Variants in CFAP61 observed in about 807,000 individuals in gnomAD.
CFAP61 encodes the protein cilia- and flagella-associated protein 61.
In CFAP61, 107 loss-of-function variants were observed where a neutral mutation model predicts 135.6. That is an observed-to-expected ratio of 0.79 (90% confidence interval 0.67 to 0.93). The LOEUF is 0.93. CFAP61 is among the 40% of genes least tolerant of loss of function. The pLI is 0.00. For missense variants in CFAP61, 1,507 were observed against 1,556.2 expected (o/e 0.97, Z 0.53); for synonymous variants, 575 against 578.5 (o/e 0.99, Z 0.09).
chr20:20,207,198 C>T (rs1473391197), intron 17 of CFAP61, among the ~76,000 whole-genome samples: 8 of 152,200 alleles, frequency 5.3e-5, no homozygotes. Context: ...ACAAGATGCC[C>T]ATCCAAATGC....
intron 8 of CFAP61, among the ~76,000 whole-genome samples, chr20:20,102,427 C>T (rs977687030): frequency 2.0e-5 from 3 of 152,170 alleles, no homozygotes; most frequent in African/African-American, 7.2e-5. Context: ...AGAGTTCCCC[C>T]AAGGGATTAA....
intron 13 of CFAP61, among the ~76,000 whole-genome samples, chr20:20,181,774 C>G (rs898644469): frequency 1.3e-5 from 2 of 152,120 alleles, no homozygotes; most frequent in African/African-American, 4.8e-5. Flanking sequence ...ATGCTTGCAC[C>G]CTTGGGAAAA....
intron 18 of CFAP61, chr20:20,232,766 G>A (rs977638454): frequency 2.0e-5 from 3 of 152,124 alleles, no homozygotes; most frequent in African/African-American, 7.2e-5. Context: ...AGAATCTTTT[G>A]AAGAGCCTGT....
intron 17 of CFAP61, among the ~76,000 whole-genome samples, chr20:20,225,094 A>T (rs891245937): frequency 6.6e-6 from 1 of 152,162 alleles, no homozygotes; most frequent in African/African-American, 2.4e-5. Context: ...AGGAACATAA[A>T]GGAAGAAAAT....
intron 8 of CFAP61, among the ~76,000 whole-genome samples, chr20:20,123,602 A>C (rs1004269300): frequency 6.6e-6 from 1 of 151,598 alleles, no homozygotes; most frequent in Non-Finnish European, 1.5e-5. Context: ...CCATTGGTCT[A>C]TGTGCCGATT....
chr20:20,224,515 G>A (rs894703979), intron 17 of CFAP61, among the ~76,000 whole-genome samples: 1 of 152,004 alleles, frequency 6.6e-6, no homozygotes, highest in East Asian at 1.9e-4. Context: ...GCCTTAAAAG[G>A]TTAGCTTATA....
In CFAP61 at chr20:20,106,693, C is replaced by T. The variant is rs141614956; in HGVS notation, c.859+7879C>T. On this transcript the variant is annotated intron_variant, in intron 8 of 26. Coordinates refer to ENST00000245957, the MANE Select transcript of CFAP61 (RefSeq NM_015585.4). ...AGGGGAGAAGGCATTTAATGAAGTT[C>T]AAGAGTGTATTTGACTGTAAAACAC... 3.8e-3 allele frequency among the ~76,000 whole-genome samples: 583 copies of T among 152,282 alleles called. 6 individuals carry two copies. Among genetic ancestry groups the T allele is most frequent in the Admixed American group, 0.034 (522 of 15,296 alleles).
chr20:20,102,532 T>C (rs1391976156), intron 8 of CFAP61, among the ~76,000 whole-genome samples: 1 of 152,182 alleles, frequency 6.6e-6, no homozygotes, highest in African/African-American at 2.4e-5. Context: ...GTTTGTTACA[T>C]AGGTAAACTT....
At chr20:20,122,643 A>G (rs2049746024) in intron 8 of CFAP61, among the ~76,000 whole-genome samples, 1 of 152,276 alleles carries the variant, frequency 6.6e-6, no homozygotes, top group Admixed American at 6.5e-5. Flanking sequence ...TATATATCAC[A>G]GTTTCTTTTT....
rs2055311662 is a variant in CFAP61 at position 20,294,973 on chromosome 20, T to TA, written c.3217-3206dup. ...ATAATAATAATAATAATAATAATAA[T>TA]AATACCAAAAAATGCAACAAGTCCA... is the stretch of plus-strand genomic sequence containing the variant. On this transcript the variant is annotated intron_variant, in intron 24 of 26. Transcript: ENST00000245957. Among the ~76,000 whole-genome samples, 5 of 146,302 alleles carry TA rather than the reference T, an allele frequency of 3.4e-5. No individual in the cohort carries two copies. The South Asian group carries it at 1.1e-3, about 32-fold the overall frequency.
chr20:20,217,111 T>C (rs757350649), intron 17 of CFAP61, among the ~76,000 whole-genome samples: 1 of 152,236 alleles, frequency 6.6e-6, no homozygotes, highest in Non-Finnish European at 1.5e-5. Context: ...CCAAATTCCT[T>C]TGAACTTTGT....
chr20:20,223,471 C>T (rs868146763), intron 17 of CFAP61, among the ~76,000 whole-genome samples: 3 of 152,278 alleles, frequency 2.0e-5, no homozygotes, highest in Middle Eastern at 3.4e-3. Flanking sequence ...AGATAGACAG[C>T]ATCATGATCC....
intron 26 of CFAP61, among the ~76,000 whole-genome samples, chr20:20,347,571 G>A (rs1414055911): frequency 6.6e-6 from 1 of 152,180 alleles, no homozygotes; most frequent in Non-Finnish European, 1.5e-5. Flanking sequence ...AAAGGATTAT[G>A]AGAAAATGCC....
intron 25 of CFAP61, among the ~76,000 whole-genome samples, chr20:20,314,126 A>G (rs1601955737): frequency 2.6e-5 from 4 of 151,234 alleles, no homozygotes; most frequent in Admixed American, 2.6e-4. Context: ...GCTCGTGCCT[A>G]TAATTCCAGC....
At chr20:20,269,367 A>G (rs1181037112) in intron 21 of CFAP61, among the ~76,000 whole-genome samples, 2 of 149,604 alleles carry the variant, frequency 1.3e-5, no homozygotes, top group Non-Finnish European at 3.0e-5. Flanking sequence ...ATGTGTACAT[A>G]TATATATATA....
chr20:20,186,397 A>G (rs770757419), intron 13 of CFAP61, among the ~76,000 whole-genome samples: 3 of 152,294 alleles, frequency 2.0e-5, no homozygotes, highest in Non-Finnish European at 2.9e-5. Flanking sequence ...GTATGTATCA[A>G]TCATACTCTG....
At chr20:20,191,119 A>G (rs1049550444) in intron 14 of CFAP61, among the ~76,000 whole-genome samples, 1 of 152,072 alleles carries the variant, frequency 6.6e-6, no homozygotes, top group African/African-American at 2.4e-5. Flanking sequence ...ATCTCAAAAA[A>G]AATAATAATA....
At chr20:20,226,863 G>C (rs2048773744) in intron 17 of CFAP61, among the ~76,000 whole-genome samples, 1 of 152,236 alleles carries the variant, frequency 6.6e-6, no homozygotes, top group African/African-American at 2.4e-5. Flanking sequence ...AAATGGGAGT[G>C]AGTCCAATCT....
Position 20,075,532 on chromosome 20 carries a change from G to A in CFAP61, c.483G>A (p.Pro161=), listed in dbSNP as rs369465869. 44 of 1,613,948 alleles carry A rather than the reference G, an allele frequency of 2.7e-5. No homozygotes were observed. The highest frequency in any genetic ancestry group is 4.5e-5 in the East Asian group (2 of 44,890). ...ITVFDQVGNI[P]CLTYEEDFAV... The stretch of plus-strand genomic sequence containing the variant: ...TTTTTGACCAAGTGGGGAACATCCC[G>A]TGTCTGACGTATGAGGAAGACTTTG... The change falls in exon 6 of 27, where the codon CCG becomes CCA. Residue 161 remains proline (P), a synonymous_variant. Transcript: ENST00000245957.
Sources: allele counts gnomAD v4.1 joint callset (sites outside exome capture counted in the v4.1 genomes callset), GRCh38; gene constraint gnomAD v4.1.1; transcripts MANE v1.5; gene names NCBI Gene and HGNC (gene_info 2026-07-23, HGNC 2026-07-21).